CDH12: variants seen among roughly 807,000 people sequenced by gnomAD.
CDH12 encodes cadherin 12.
In CDH12, 41 loss-of-function variants were observed where a neutral mutation model predicts 74.1. The ratio of observed to expected loss-of-function variants is 0.55; its 90% CI spans 0.43 to 0.72. CDH12 has a LOEUF of 0.72. CDH12 is among the 30% of genes least tolerant of loss of function. CDH12 has a pLI of 0.00. For synonymous variants in CDH12, 399 were observed against 355.0 expected (o/e 1.12, Z -1.39); for missense variants, 945 against 977.2 (o/e 0.97, Z 0.44).
At chr5:22,764,356 C>T (rs1049113780) in intron 1 of CDH12, among the ~76,000 whole-genome samples, 2 of 151,826 alleles carry the variant, frequency 1.3e-5, no homozygotes, top group African/African-American at 4.8e-5. Context: ...ATTATTATAG[C>T]CAATCTGTAG....
At chr5:22,482,812 C>T (rs995502172) in intron 2 of CDH12, among the ~76,000 whole-genome samples, 2 of 152,016 alleles carry the variant, frequency 1.3e-5, no homozygotes, top group Admixed American at 6.6e-5. Flanking sequence ...CGGGGATTTT[C>T]CCAAAAAATA....
rs139315371 is a variant in CDH12, at chr5:22,090,987, C to G, written c.-186-12125G>C. On this transcript the variant is annotated intron_variant, in intron 4 of 14. Coordinates refer to ENST00000382254, the MANE Select transcript of CDH12 (RefSeq NM_004061.5). ...ACAAGTCATATCATGGTAAAGGTAA[C>G]AGACTGCATGTTTTCTCTCCAAGAA... Among the ~76,000 whole-genome samples the G allele has an allele frequency of 6.9e-3, 1,052 of 151,874 alleles. 4 individuals carry two copies. Among genetic ancestry groups the G allele is most frequent in the Non-Finnish European group, 9.9e-3 (671 of 67,850 alleles).
At chr5:22,150,492 G>A (rs1325134511) in intron 4 of CDH12, among the ~76,000 whole-genome samples, 2 of 149,262 alleles carry the variant, frequency 1.3e-5, no homozygotes, top group Non-Finnish European at 3.0e-5. Context: ...GAACACTTAT[G>A]TATATGTAGA....
chr5:22,793,087 G>T (rs1398296594), intron 1 of CDH12, among the ~76,000 whole-genome samples: 1 of 152,054 alleles, frequency 6.6e-6, no homozygotes, highest in Non-Finnish European at 1.5e-5. Context: ...CTATATTTCC[G>T]TTCATGAAAT....
chr5:22,602,604 G>A (rs1055421783), intron 1 of CDH12, among the ~76,000 whole-genome samples: 1 of 152,042 alleles, frequency 6.6e-6, no homozygotes, highest in East Asian at 1.9e-4. Flanking sequence ...AGAGAATACT[G>A]TAAATAAATA....
intron 1 of CDH12, among the ~76,000 whole-genome samples, chr5:22,533,121 T>G (rs1169251782): frequency 6.6e-6 from 1 of 152,146 alleles, no homozygotes; most frequent in African/African-American, 2.4e-5. Flanking sequence ...CTTCATCCAT[T>G]GGCTGTTTTT....
At chr5:22,205,849 TC>T (rs1172017889) in intron 4 of CDH12, among the ~76,000 whole-genome samples, 1 of 152,070 alleles carries the variant, frequency 6.6e-6, no homozygotes, top group Admixed American at 6.5e-5. Flanking sequence ...GAACACCCTG[TC>T]CCTCTTAATT....
At chr5:22,382,371 T>G (rs1281560479) in intron 3 of CDH12, among the ~76,000 whole-genome samples, 1 of 151,404 alleles carries the variant, frequency 6.6e-6, no homozygotes, top group Non-Finnish European at 1.5e-5. Context: ...AGACTTTCCT[T>G]ATAAGCCCAC....
At chr5:22,802,309 A>G (rs1748575309) in intron 1 of CDH12, among the ~76,000 whole-genome samples, 1 of 151,674 alleles carries the variant, frequency 6.6e-6, no homozygotes, top group Non-Finnish European at 1.5e-5. Flanking sequence ...TTTAGTAGAG[A>G]TGGGGTTTCA....
chr5:22,415,249 A>T (rs1247300015), intron 2 of CDH12, among the ~76,000 whole-genome samples: 1 of 152,228 alleles, frequency 6.6e-6, no homozygotes, highest in Non-Finnish European at 1.5e-5. Context: ...AAATTGACAC[A>T]TATGGGAAGT....
rs70957081 is a variant in CDH12 at position 21,942,347 on chromosome 5, TACACACACACACACACACAC to T, written c.526+32724_526+32743del. 1.3e-3 allele frequency among the ~76,000 whole-genome samples: 168 copies of T among 129,674 alleles called. 1 individual carries two copies. Among genetic ancestry groups the T allele is most frequent in the Non-Finnish European group, 2.0e-3 (128 of 62,746 alleles). 85.1% of individuals were successfully genotyped at this position (129,674 alleles called of 152,430 possible). ...GAGACAAATACAGTATATATATATATACACACACACACACACACACACACACACACACACACACACACATA... is the reference window on the plus strand; with the variant it reads ...GAGACAAATACAGTATATATATATATACACACACACACACACACACACATA... On this transcript the variant is annotated intron_variant, in intron 6 of 14. Transcript: ENST00000382254.
chr5:22,054,408 C>T (rs6452044), intron 5 of CDH12, among the ~76,000 whole-genome samples: 6,031 of 151,918 alleles, frequency 0.04, 387 homozygotes, highest in African/African-American at 0.13. Flanking sequence ...AACTGGACAC[C>T]TCTCATTTAG....
At chr5:22,797,337 T>A (rs1255442184) in intron 1 of CDH12, among the ~76,000 whole-genome samples, 1 of 152,030 alleles carries the variant, frequency 6.6e-6, no homozygotes, top group South Asian at 2.1e-4. Context: ...GCCTCCAGAA[T>A]GGTGAGAAGT....
At chr5:22,432,023 C>A (rs1162526116) in intron 2 of CDH12, among the ~76,000 whole-genome samples, 1 of 152,108 alleles carries the variant, frequency 6.6e-6, no homozygotes, top group Non-Finnish European at 1.5e-5. Flanking sequence ...TTCACTCACC[C>A]TAGGCGTTCA....
chr5:22,271,913 T>C (rs530855516), intron 3 of CDH12, among the ~76,000 whole-genome samples: 169 of 152,270 alleles, frequency 1.1e-3, no homozygotes, highest in Middle Eastern at 6.8e-3. Flanking sequence ...GCAGAGTAGA[T>C]TTAGCATAAT....
intron 1 of CDH12, among the ~76,000 whole-genome samples, chr5:22,835,119 A>T (rs1736767437): frequency 6.6e-6 from 1 of 152,116 alleles, no homozygotes; most frequent in Non-Finnish European, 1.5e-5. Flanking sequence ...AGAATTTGTC[A>T]GCCTTTTGTT....
chr5:21,967,538 C>T (rs1273324761), intron 6 of CDH12, among the ~76,000 whole-genome samples: 5 of 152,032 alleles, frequency 3.3e-5, no homozygotes, highest in Non-Finnish European at 7.4e-5. Flanking sequence ...ATATTTAATG[C>T]TTAGAGTCAT....
At chr5:21,910,036 T>C (rs1026764032) in intron 6 of CDH12, among the ~76,000 whole-genome samples, 2 of 152,122 alleles carry the variant, frequency 1.3e-5, no homozygotes, top group African/African-American at 4.8e-5. Context: ...AGGGTTCCAG[T>C]TGAGAAACAT....
intron 2 of CDH12, among the ~76,000 whole-genome samples, chr5:22,426,527 C>T (rs1043505282): frequency 1.3e-5 from 2 of 151,900 alleles, no homozygotes; most frequent in African/African-American, 2.4e-5. Context: ...AAGAACCCCC[C>T]GAATATTCTA....
Sources: gnomAD v4.1 joint callset for allele counts (sites outside exome capture counted in the v4.1 genomes callset) on GRCh38, gnomAD v4.1.1 for gene constraint, MANE v1.5 for transcripts, NCBI Gene and HGNC (gene_info 2026-07-23, HGNC 2026-07-21) for gene names.